The following EPB41L4A variants were observed in gnomAD, a reference collection of about 807,000 sequenced individuals.
EPB41L4A encodes erythrocyte membrane protein band 4.1 like 4A.
EPB41L4A carries 100 observed loss-of-function variants against 108.6 expected under a neutral mutation model. That is an observed-to-expected ratio of 0.92 (90% CI 0.78 to 1.09). The LOEUF (loss-of-function observed/expected upper bound fraction) is 1.09. Among genes scored for constraint, EPB41L4A ranks in the 50% least tolerant of loss-of-function variants. The pLI is 0.00. For missense variants in EPB41L4A, 1,030 were observed against 842.7 expected (o/e 1.22, Z -2.75); for synonymous variants, 319 against 289.0 (o/e 1.10, Z -1.05).
chr5:112,248,873 C>T (rs1358887850), intron 9 of EPB41L4A, among the ~76,000 whole-genome samples: 1 of 152,166 alleles, frequency 6.6e-6, no homozygotes, highest in East Asian at 1.9e-4. Context: ...ATTCTTGACA[C>T]AAGAATGCAA....
chr5:112,320,419 T>C (rs1249724288), intron 1 of EPB41L4A, among the ~76,000 whole-genome samples: 5 of 152,236 alleles, frequency 3.3e-5, no homozygotes, highest in Non-Finnish European at 5.9e-5. Flanking sequence ...CCAAGAAACA[T>C]TTCACTGAAG....
intron 17 of EPB41L4A, among the ~76,000 whole-genome samples, chr5:112,192,740 T>C (rs1561463506): frequency 6.6e-6 from 1 of 152,200 alleles, no homozygotes; most frequent in South Asian, 2.1e-4. Flanking sequence ...TCATTTTCAG[T>C]AGCGAATGGT....
At chr5:112,167,123 C>CCAA (rs1384343994) in intron 22 of EPB41L4A, among the ~76,000 whole-genome samples, 3 of 110,576 alleles carry the variant, frequency 2.7e-5, no homozygotes, top group South Asian at 6.3e-4. Flanking sequence ...AAATTTAAGA[C>CCAA]AAAAAAAAAA....
chr5:112,221,767 A>G (rs1748068635), intron 12 of EPB41L4A, among the ~76,000 whole-genome samples: 1 of 152,248 alleles, frequency 6.6e-6, no homozygotes, highest in Admixed American at 6.5e-5. Context: ...GTAACTCACT[A>G]AAGCTGTGAT....
chr5:112,245,824 C>G (rs766546702), intron 9 of EPB41L4A, among the ~76,000 whole-genome samples: 3 of 152,208 alleles, frequency 2.0e-5, no homozygotes, highest in African/African-American at 4.8e-5. Context: ...ACTGCAAAGA[C>G]GCTCCTGAAG....
At chr5:112,180,601 GA>G (rs1761095369) in intron 18 of EPB41L4A, among the ~76,000 whole-genome samples, 1 of 136,918 alleles carries the variant, frequency 7.3e-6, no homozygotes, top group South Asian at 2.3e-4. Context: ...AAAGCTGCTA[GA>G]AAAAGATATA....
chr5:112,160,336 A>C (rs1202254407), downstream of EPB41L4A, among the ~76,000 whole-genome samples: 1 of 152,180 alleles, frequency 6.6e-6, no homozygotes, highest in Non-Finnish European at 1.5e-5. Flanking sequence ...CTTACATTGT[A>C]GAATTTCAGC....
intron 11 of EPB41L4A, among the ~76,000 whole-genome samples, chr5:112,237,991 T>C (rs1440726376): frequency 1.3e-5 from 2 of 152,160 alleles, no homozygotes; most frequent in African/African-American, 4.8e-5. Flanking sequence ...TCCAATAACT[T>C]CCTAATAATA....
intron 22 of EPB41L4A, among the ~76,000 whole-genome samples, chr5:112,167,088 T>G (rs541376450): frequency 4.3e-5 from 6 of 138,124 alleles, no homozygotes; most frequent in Non-Finnish European, 9.1e-5. Flanking sequence ...GAAATAAAAA[T>G]TACTACTTGT....
At chr5:112,374,599 C>G (rs1256081431) in intron 1 of EPB41L4A, among the ~76,000 whole-genome samples, 1 of 152,186 alleles carries the variant, frequency 6.6e-6, no homozygotes, top group Non-Finnish European at 1.5e-5. Flanking sequence ...CAAAGTTACC[C>G]CAGCAAAAGA....
At chr5:112,254,229 C>A (rs1335865451) in intron 9 of EPB41L4A, among the ~76,000 whole-genome samples, 1 of 152,174 alleles carries the variant, frequency 6.6e-6, no homozygotes, top group Non-Finnish European at 1.5e-5. Flanking sequence ...CCTCTTGTTG[C>A]CAAAACCAAG....
chr5:112,347,478 T>A (rs1757755091), intron 1 of EPB41L4A, among the ~76,000 whole-genome samples: 1 of 152,092 alleles, frequency 6.6e-6, no homozygotes, highest in Non-Finnish European at 1.5e-5. Flanking sequence ...GTTTTTTCAC[T>A]CCCCCACAAT....
In EPB41L4A at chr5:112,303,486, T is replaced by C. The variant is rs188904868; in HGVS notation, c.204+3900A>G. Among the ~76,000 whole-genome samples, 131 of 152,090 alleles carry C rather than the reference T, an allele frequency of 8.6e-4. No homozygotes were observed. In the East Asian group the frequency reaches 0.024, roughly 28 times the overall value. ...GAGCCTAAGAGAACTAAGGACAAAA[T>C]CCTGGTGAACACCAACATTTTATGG... On this transcript the variant is annotated intron_variant, in intron 2 of 22. Transcript: ENST00000261486.
chr5:112,225,546 G>GT (rs1748390883), intron 12 of EPB41L4A, among the ~76,000 whole-genome samples: 1 of 152,100 alleles, frequency 6.6e-6, no homozygotes, highest in Non-Finnish European at 1.5e-5. Flanking sequence ...AAAGTGCTTG[G>GT]TAAAAATTCA....
intron 1 of EPB41L4A, among the ~76,000 whole-genome samples, chr5:112,406,557 G>C (rs989207028): frequency 2.0e-5 from 3 of 151,958 alleles, no homozygotes; most frequent in Admixed American, 2.0e-4. Flanking sequence ...ACCTAACCAG[G>C]AAGAGTTCTA....
intron 1 of EPB41L4A, among the ~76,000 whole-genome samples, chr5:112,357,310 C>A (rs1338578800): frequency 6.6e-6 from 1 of 152,204 alleles, no homozygotes; most frequent in African/African-American, 2.4e-5. Context: ...CCATAATAAT[C>A]TGAATGTTGC....
rs984098719 is a variant in EPB41L4A at position 112,273,872 on chromosome 5, C to T, written c.335+1454G>A. Among the ~76,000 whole-genome samples, 5 of 152,192 alleles carry T rather than the reference C, an allele frequency of 3.3e-5. No homozygotes were observed. In the South Asian group the frequency reaches 8.3e-4, roughly 25 times the overall value. The stretch of plus-strand genomic sequence containing the variant: ...CTCCCCTCAACATATCCTCCCCATC[C>T]TAATGGCCCTTTACCCAGAAAGATG... On this transcript the variant is annotated intron_variant, in intron 4 of 22. Transcript: ENST00000261486.
At chr5:112,206,322 G>T (rs760724004) in intron 13 of EPB41L4A, among the ~76,000 whole-genome samples, 1 of 150,916 alleles carries the variant, frequency 6.6e-6, no homozygotes, top group Admixed American at 6.6e-5. Context: ...GGAGTACTTT[G>T]TAACAGCCAA....
rs145718955 is a variant in EPB41L4A, at chr5:112,201,850, G to A, written c.1376+2525C>T. 2.9e-3 allele frequency among the ~76,000 whole-genome samples: 444 copies of A among 152,236 alleles called. 1 individual carries two copies. Among genetic ancestry groups the A allele is most frequent in the African/African-American group, 0.01 (426 of 41,518 alleles). On this transcript the variant is annotated intron_variant, in intron 15 of 22. Transcript: ENST00000261486. ...ATCTCCACCTTTTTCAGATGTACAG[G>A]CTGGGATTCCAATCCCATGTGTGCC...
Sources: allele counts gnomAD v4.1 joint callset (sites outside exome capture counted in the v4.1 genomes callset), GRCh38; gene constraint gnomAD v4.1.1; transcripts MANE v1.5; gene names NCBI Gene and HGNC (gene_info 2026-07-23, HGNC 2026-07-21).